HSPG2: variants seen among roughly 807,000 people sequenced by gnomAD.
The protein encoded by HSPG2 is heparan sulfate proteoglycan 2.
HSPG2 carries 278 observed loss-of-function variants against 526.6 expected under a neutral mutation model. That is an observed-to-expected ratio of 0.53 (90% CI 0.48 to 0.58). The LOEUF is 0.58. HSPG2 is among the 20% of genes least tolerant of loss of function. The pLI is 0.00. For missense variants in HSPG2, 5,354 were observed against 6,099.5 expected, an observed-to-expected ratio of 0.88 and a Z score of 4.07; for synonymous variants, 2,465 against 2,555.4, an observed-to-expected ratio of 0.96 and a Z score of 1.07.
At chr1:21,849,947 G>A in intron 57 of HSPG2, 94 bp downstream of exon 57, 1 of 1,508,880 alleles carries the variant, frequency 6.6e-7, no homozygotes, top group African/African-American at 1.4e-5. Flanking sequence ...CAAAGTGCCG[G>A]GATTACAGGC....
intron 1 of HSPG2, among the ~76,000 whole-genome samples, chr1:21,905,171 C>CCACACA (rs759299090): frequency 6.1e-5 from 5 of 81,818 alleles, no homozygotes; most frequent in East Asian, 3.5e-4. Context: ...CACCACCCAC[C>CCACACA]CACACACACA....
At chr1:21,922,372 A>C (rs1017772377) in intron 1 of HSPG2, among the ~76,000 whole-genome samples, 5 of 152,212 alleles carry the variant, frequency 3.3e-5, no homozygotes, top group African/African-American at 1.2e-4. Context: ...ACGGGAGCTA[A>C]CAGCCACAGC....
rs1471710445 is a variant in HSPG2 at position 21,842,271 on chromosome 1, AC to A, written c.9019del (p.Val3007SerfsTer98). Reference protein sequence around the residue: ...PGPEQEASFTVTVPPSEGSSY... With the variant: ...PGPEQEASFTXTVPPSEGSSY... ...AGACCCCTCACTGGGCGGGACGGTGACTGTGAAGGAGGCTTCTTGCTCAGGG... is the reference window on the plus strand; with the variant it reads ...AGACCCCTCACTGGGCGGGACGGTGATGTGAAGGAGGCTTCTTGCTCAGGG... On this transcript the variant is annotated frameshift_variant, in exon 68 of 97. Coordinates refer to ENST00000374695, the MANE Select transcript of HSPG2 (RefSeq NM_005529.7). LOFTEE classifies it high-confidence loss of function. 3.1e-6 allele frequency: 5 copies of A among 1,613,560 alleles called. No homozygotes were observed. The highest frequency in any genetic ancestry group is 4.2e-6 in the Non-Finnish European group (5 of 1,179,882).
In HSPG2 at chr1:21,931,768, T is replaced by A. The variant is rs77586949; in HGVS notation, c.63+5387A>T. ...GCCCTCCTGCCCTCCCTCCTGAGCC[T>A]CTCACCCCAAGGCCAGGCAGCCCTT... On this transcript the variant is annotated intron_variant, in intron 1 of 96. Transcript: ENST00000374695. 1.7e-4 allele frequency among the ~76,000 whole-genome samples: 26 copies of A among 152,128 alleles called. No homozygotes were observed. In the East Asian group the frequency reaches 5.0e-3, roughly 30 times the overall value.
intron 48 of HSPG2, 34 bp from the exon 49 acceptor site, chr1:21,854,799 G>A: frequency 6.2e-7 from 1 of 1,613,104 alleles, no homozygotes. Context: ...AGGCCCCAGG[G>A]GAGCCCTGGC....
At chr1:21,840,091 G>T in intron 71 of HSPG2, 74 bp from the exon 72 acceptor site, 1 of 1,260,546 alleles carries the variant, frequency 7.9e-7, no homozygotes. Context: ...CTCTGGCTTG[G>T]TCTTCCCTAT....
chr1:21,840,152 T>C, intron 71 of HSPG2, 135 bp from the exon 72 acceptor site: 1 of 728,908 alleles, frequency 1.4e-6, no homozygotes, highest in Non-Finnish European at 2.3e-6. Flanking sequence ...ATATATTTAT[T>C]TTTTGAGACA....
chr1:21,890,773 G>A lies in HSPG2; in HGVS notation c.245-79C>T. On this transcript the variant is annotated intron_variant, in intron 3 of 96. Transcript: ENST00000374695. The surrounding 1 kb of genome is among the most constrained non-coding windows in gnomAD (Gnocchi z 4.1). ...CTTAGGCAGTTGGACCATTCAGGCA[G>A]AGTTGGGGGGATGGCCCCCAGAGGC... 1 of 1,068,794 alleles carries A rather than the reference G, an allele frequency of 9.4e-7. No homozygotes were observed. The highest frequency in any genetic ancestry group is 1.4e-6 in the Non-Finnish European group (1 of 701,288). 66.2% of individuals were successfully genotyped at this position (1,068,794 alleles called of 1,614,324 possible).
Position 21,885,632 on chromosome 1 carries a change from C to A in HSPG2, c.1079-181G>T, listed in dbSNP as rs28653609. Among the ~76,000 whole-genome samples, 21,057 of 152,132 alleles carry A rather than the reference C, an allele frequency of 0.14. 1,769 individuals carry two copies. The highest frequency in any genetic ancestry group is 0.23 in the African/African-American group (9,655 of 41,478). ...ATGCGGCCACCAGCTGTCATCGAAC[C>A]ACTCATCACATTACCCGGCCCCCAC... On this transcript the variant is annotated intron_variant, in intron 9 of 96. Transcript: ENST00000374695.
Position 21,854,626 on chromosome 1 carries a change from C to T in HSPG2, c.6273G>A (p.Leu2091=). ...QVTWYRRGGS[L]PPHTQVHGSR... ...GCCCACATACCTGGGTGTGGGGAGG[C>T]AGGCTACCCCCTCGCCTGTACCAGG... The change falls in exon 49 of 97, where the codon CTG becomes CTA. Residue 2091 remains leucine, a synonymous_variant. Coordinates refer to ENST00000374695, the MANE Select transcript of HSPG2 (RefSeq NM_005529.7). 6.4e-7 allele frequency: 1 copy of T among 1,569,320 alleles called. No homozygotes were observed. The highest frequency in any genetic ancestry group is 8.7e-7 in the Non-Finnish European group (1 of 1,155,350).
intron 22 of HSPG2, 48 bp from the exon 23 acceptor site, chr1:21,876,453 G>A (rs1387863262): frequency 1.2e-6 from 2 of 1,612,328 alleles, no homozygotes; most frequent in East Asian, 4.5e-5. Context: ...CCTGGGACTG[G>A]CGCTTGGTCC....
intron 13 of HSPG2, among the ~76,000 whole-genome samples, chr1:21,882,107 G>C (rs1056997032): frequency 6.6e-6 from 1 of 152,124 alleles, no homozygotes; most frequent in South Asian, 2.1e-4. Context: ...GAAAGGACAA[G>C]GGGATTCTTT....
At chr1:21,831,863 C>T (rs746492784) in intron 81 of HSPG2, 67 bp from the exon 82 acceptor site, 60 of 1,512,146 alleles carry the variant, frequency 4.0e-5, no homozygotes, top group Non-Finnish European at 5.2e-5. Flanking sequence ...GCTAGGGGCC[C>T]AGTTGGGTAG....
intron 1 of HSPG2, among the ~76,000 whole-genome samples, chr1:21,920,784 T>A (rs1239270346): frequency 6.6e-6 from 1 of 152,146 alleles, no homozygotes; most frequent in Non-Finnish European, 1.5e-5. Context: ...CTCCTGGACT[T>A]CGCCAGCAGC....
In HSPG2 at chr1:21,878,210, G is replaced by A; in HGVS notation, c.2661C>T (p.Thr887=). 6.2e-7 allele frequency: 1 copy of A among 1,613,750 alleles called. No individual in the cohort carries two copies. The highest frequency in any genetic ancestry group is 8.5e-7 in the Non-Finnish European group (1 of 1,179,962). Residue 887 remains threonine (T), a synonymous_variant, in exon 21 of 97, where the codon ACC becomes ACT. Transcript: ENST00000374695. The part of the protein sequence containing the change: ...VRCDERGSMG[T]SGEACRCKNN... ...CCTTACAGCGGCAGGCCTCCCCGGA[G>A]GTCCCCATGCTGCCACGCTCGTCAC...
At position 21,824,447 on chromosome 1, in the gene HSPG2, T is replaced by C. The variant is rs989977344; in HGVS notation, c.12745-71A>G. 1.2e-6 allele frequency: 2 copies of C among 1,600,120 alleles called. No homozygotes were observed. The highest frequency in any genetic ancestry group is 1.3e-5 in the African/African-American group (1 of 74,676). ...AGAGGCTGCCGAGGCCAGGGGGCTC[T>C]GCTTTCCCCTCCCCCCACCACTCCG... On this transcript the variant is annotated intron_variant, in intron 93 of 96. Transcript: ENST00000374695. This position sits in a 1 kb window ranked among gnomAD's most constrained non-coding sequence, Gnocchi z 5.9.
At position 21,824,412 on chromosome 1, in the gene HSPG2, C is replaced by T. The variant is rs1169659363; in HGVS notation, c.12745-36G>A. 6.2e-6 allele frequency: 10 copies of T among 1,611,916 alleles called. No individual in the cohort carries two copies. Among genetic ancestry groups the T allele is most frequent in the Non-Finnish European group, 6.8e-6 (8 of 1,178,584 alleles). ...AGCACAGGGTCTCTGGGGTCCCCAG[C>T]CTGGAGAGCAGAGGCTGCCGAGGCC... On this transcript the variant is annotated intron_variant, in intron 93 of 96. Transcript: ENST00000374695. This position sits in a 1 kb window ranked among gnomAD's most constrained non-coding sequence, Gnocchi z 5.9.
In HSPG2 at chr1:21,872,866, C is replaced by G. The variant is rs749712813; in HGVS notation, c.3889-106G>C. 1 of 1,535,888 alleles carries G rather than the reference C, an allele frequency of 6.5e-7. No homozygotes were observed. The highest frequency in any genetic ancestry group is 1.8e-5 in the Admixed American group (1 of 56,702). The stretch of plus-strand genomic sequence containing the variant: ...GGCCACTTCCAGCAGCCCCGGGCAG[C>G]CCCTGCCCTGTCCCCCATGCCCTGC... On this transcript the variant is annotated intron_variant, in intron 31 of 96. Transcript: ENST00000374695. This position sits in a 1 kb window ranked among gnomAD's most constrained non-coding sequence, Gnocchi z 5.5.
intron 1 of HSPG2, among the ~76,000 whole-genome samples, chr1:21,930,727 T>TCATAC (rs1557841601): frequency 6.7e-6 from 1 of 149,712 alleles, no homozygotes; most frequent in Non-Finnish European, 1.5e-5. Flanking sequence ...TGCGGCGAGA[T>TCATAC]CATACCACTG....
Sources: gnomAD v4.1 joint callset for allele counts (sites outside exome capture counted in the v4.1 genomes callset) on GRCh38, gnomAD v4.1.1 for gene constraint, Gnocchi (gnomAD v3.1) non-coding constraint, MANE v1.5 for transcripts, NCBI Gene and HGNC (gene_info 2026-07-23, HGNC 2026-07-21) for gene names.